XKR6: variants seen among roughly 807,000 people sequenced by gnomAD.
The protein encoded by XKR6 is XK-related protein 6.
A neutral mutation model predicts 56.7 loss-of-function variants in XKR6; 22 were observed. That is an observed-to-expected ratio of 0.39 (90% confidence interval 0.28 to 0.55). The LOEUF is 0.55. Among genes scored for constraint, XKR6 ranks in the 20% least tolerant of loss-of-function variants. XKR6 has a pLI of 0.66. For synonymous variants in XKR6, 524 were observed against 387.8 expected (o/e 1.35, Z -4.13); for missense variants, 852 against 889.0 (o/e 0.96, Z 0.53).
intron 1 of XKR6, among the ~76,000 whole-genome samples, chr8:11,149,354 T>C (rs1465369857): frequency 6.6e-6 from 1 of 151,968 alleles, no homozygotes; most frequent in African/African-American, 2.4e-5. Context: ...TAACTACACA[T>C]AGAAAAAAAG....
chr8:11,082,954 G>C (rs1335099887), intron 1 of XKR6, among the ~76,000 whole-genome samples: 1 of 152,208 alleles, frequency 6.6e-6, no homozygotes, highest in East Asian at 1.9e-4. Flanking sequence ...GCTGCGGCCA[G>C]GTAGCCCTAG....
intron 1 of XKR6, among the ~76,000 whole-genome samples, chr8:11,119,161 G>A (rs10094029): frequency 0.054 from 8,183 of 152,164 alleles, 737 homozygotes; most frequent in African/African-American, 0.19. Flanking sequence ...TGTTTGCACT[G>A]TGGTCTGAGA....
chr8:11,157,762 A>G (rs966851214), intron 1 of XKR6, among the ~76,000 whole-genome samples: 5 of 152,118 alleles, frequency 3.3e-5, no homozygotes, highest in African/African-American at 9.7e-5. Flanking sequence ...CAATCCTTCC[A>G]TCTTGGCCTC....
At chr8:10,919,128 C>T (rs1253534537) in intron 2 of XKR6, among the ~76,000 whole-genome samples, 3 of 152,196 alleles carry the variant, frequency 2.0e-5, no homozygotes, top group Non-Finnish European at 4.4e-5. Flanking sequence ...CCTCTCTCAC[C>T]CCAACTGCCA....
At position 10,901,854 on chromosome 8, in the gene XKR6, G is replaced by A. The variant is rs922737228; in HGVS notation, c.962-2938C>T. The stretch of plus-strand genomic sequence containing the variant: ...AGAGTTAGGATCACCCTCAGACTTC[G>A]CTGTTCTGATTTTGTTGTTCTCTGT... On this transcript the variant is annotated intron_variant, in intron 2 of 2. Transcript: ENST00000416569. 3.9e-5 allele frequency among the ~76,000 whole-genome samples: 6 copies of A among 152,108 alleles called. No individual in the cohort carries two copies. In the South Asian group the frequency reaches 6.2e-4, roughly 16 times the overall value.
rs143465625 is a variant in XKR6 at position 11,191,156 on chromosome 8, A to T, written c.764+9420T>A. 3.1e-3 allele frequency among the ~76,000 whole-genome samples: 466 copies of T among 152,302 alleles called. 2 individuals carry two copies. Among genetic ancestry groups the T allele is most frequent in the African/African-American group, 9.9e-3 (412 of 41,560 alleles). ...TTAACTGTTTACTGGCAACCCATTCAACAGACCTGATAACTCAGCTCCTAG... is the reference window on the plus strand; with the variant it reads ...TTAACTGTTTACTGGCAACCCATTCTACAGACCTGATAACTCAGCTCCTAG... On this transcript the variant is annotated intron_variant, in intron 1 of 2. Transcript: ENST00000416569.
intron 1 of XKR6, among the ~76,000 whole-genome samples, chr8:11,094,166 C>T (rs903864854): frequency 2.7e-5 from 4 of 150,166 alleles, no homozygotes; most frequent in East Asian, 1.9e-4. Context: ...AATCAGAAAA[C>T]GTTTTTTAAA....
intron 1 of XKR6, among the ~76,000 whole-genome samples, chr8:11,016,998 A>G (rs1042280795): frequency 1.3e-5 from 2 of 152,256 alleles, no homozygotes; most frequent in Non-Finnish European, 2.9e-5. Context: ...TAGACTGATA[A>G]GATGAAAGAT....
chr8:10,976,308 G>A (rs906114646), intron 1 of XKR6, among the ~76,000 whole-genome samples: 3 of 152,166 alleles, frequency 2.0e-5, no homozygotes, highest in African/African-American at 7.2e-5. Flanking sequence ...ACCCCAGCAG[G>A]GTCCTCCTTC....
chr8:11,132,786 C>CAG (rs61142313), intron 1 of XKR6, among the ~76,000 whole-genome samples: 1 of 150,974 alleles, frequency 6.6e-6, no homozygotes, highest in South Asian at 2.1e-4. Flanking sequence ...CACACACACA[C>CAG]GCACATTTTT....
chr8:11,172,080 C>G (rs1179016852), intron 1 of XKR6, among the ~76,000 whole-genome samples: 2 of 151,828 alleles, frequency 1.3e-5, no homozygotes, highest in African/African-American at 4.8e-5. Flanking sequence ...AAAAAGTTAC[C>G]CAGTCTCAGG....
chr8:11,113,115 T>TG (rs1347740429), intron 1 of XKR6, among the ~76,000 whole-genome samples: 1 of 152,228 alleles, frequency 6.6e-6, no homozygotes, highest in Non-Finnish European at 1.5e-5. Context: ...ATTAAATGAC[T>TG]GCACAATTTA....
chr8:11,145,207 A>G (rs1019962036), intron 1 of XKR6, among the ~76,000 whole-genome samples: 1 of 152,172 alleles, frequency 6.6e-6, no homozygotes, highest in Non-Finnish European at 1.5e-5. Context: ...AGATTTTCAG[A>G]TATCTACATC....
chr8:11,169,529 G>C (rs1161075317), intron 1 of XKR6, among the ~76,000 whole-genome samples: 1 of 152,198 alleles, frequency 6.6e-6, no homozygotes, highest in African/African-American at 2.4e-5. Context: ...AAATAAGCCA[G>C]ATACAGAAGG....
At chr8:11,068,122 A>G (rs1395075547) in intron 1 of XKR6, among the ~76,000 whole-genome samples, 2 of 152,208 alleles carry the variant, frequency 1.3e-5, no homozygotes, top group Non-Finnish European at 2.9e-5. Context: ...CACCTTCAAC[A>G]GCCTCTCCCA....
chr8:10,985,597 T>TA (rs35383772), intron 1 of XKR6, among the ~76,000 whole-genome samples: 35,347 of 136,180 alleles, frequency 0.26, 5,008 homozygotes, highest in Middle Eastern at 0.35. Flanking sequence ...ATCTTTTGGT[T>TA]AAAAAAAAAA....
intron 1 of XKR6, chr8:11,002,411 GA>G: frequency 2.5e-6 from 1 of 399,884 alleles, no homozygotes; most frequent in Non-Finnish European, 5.3e-6. Context: ...TGGCCTGGGG[GA>G]GGCCCGCGTG....
chr8:10,988,763 C>T (rs1334925816), intron 1 of XKR6, among the ~76,000 whole-genome samples: 1 of 152,176 alleles, frequency 6.6e-6, no homozygotes, highest in Non-Finnish European at 1.5e-5. Flanking sequence ...AGTTAATGGT[C>T]CCAATTTGTC....
intron 1 of XKR6, among the ~76,000 whole-genome samples, chr8:11,030,198 C>T (rs577916962): frequency 1.2e-4 from 18 of 152,332 alleles, no homozygotes; most frequent in East Asian, 7.7e-4. Flanking sequence ...TTTCCACCTC[C>T]GCGTGGCTCC....
Sources: allele counts gnomAD v4.1 joint callset (sites outside exome capture counted in the v4.1 genomes callset), GRCh38; gene constraint gnomAD v4.1.1; transcripts MANE v1.5; gene names NCBI Gene and HGNC (gene_info 2026-07-23, HGNC 2026-07-21).